The following BAZ2B variants were observed in gnomAD, a reference collection of about 807,000 sequenced individuals.
The protein encoded by BAZ2B is bromodomain adjacent to zinc finger domain 2B, also known as bromodomain adjacent to zinc finger domain protein 2B.
BAZ2B carries 91 observed loss-of-function variants against 246.0 expected under a neutral mutation model. That is an observed-to-expected ratio of 0.37 (90% CI 0.31 to 0.44). BAZ2B has a LOEUF of 0.44. Among genes scored for constraint, BAZ2B ranks in the 20% least tolerant of loss-of-function variants. The probability of loss-of-function intolerance (pLI) is 1.00; values close to 1 mark genes in which losing one functional copy is unlikely to be tolerated. For missense variants in BAZ2B, 2,332 were observed against 2,533.7 expected (o/e 0.92, Z 1.71); for synonymous variants, 855 against 860.0 (o/e 0.99, Z 0.10).
At chr2:159,556,523 C>G (rs899217074) in intron 1 of BAZ2B, among the ~76,000 whole-genome samples, 2 of 139,292 alleles carry the variant, frequency 1.4e-5, no homozygotes, top group Admixed American at 6.8e-5. Flanking sequence ...TGCAGTGGCG[C>G]GATCGTGGCT....
chr2:159,562,311 A>G (rs2089954051), intron 1 of BAZ2B, among the ~76,000 whole-genome samples: 1 of 152,226 alleles, frequency 6.6e-6, no homozygotes, highest in Non-Finnish European at 1.5e-5. Context: ...TGACAACTTC[A>G]TTGTTTTGCT....
intron 1 of BAZ2B, among the ~76,000 whole-genome samples, chr2:159,556,417 C>T (rs1290189715): frequency 3.0e-4 from 42 of 139,838 alleles, no homozygotes; most frequent in Admixed American, 2.9e-3. Context: ...ATTTCCTAAA[C>T]TGTAAATGGC....
At chr2:159,554,750 C>T (rs1336031066) in intron 2 of BAZ2B, among the ~76,000 whole-genome samples, 2 of 151,860 alleles carry the variant, frequency 1.3e-5, no homozygotes, top group African/African-American at 4.8e-5. Context: ...ATTTATTTAT[C>T]TGTTATTTAA....
the BAZ2B span, among the ~76,000 whole-genome samples, chr2:159,692,497 C>A: frequency 6.6e-6 from 1 of 151,996 alleles, no homozygotes; most frequent in Non-Finnish European, 1.5e-5. Flanking sequence ...TGTGGTTCAT[C>A]TGCAAGTTTT....
chr2:159,547,233 T>C (rs531749647), intron 2 of BAZ2B, among the ~76,000 whole-genome samples: 80 of 152,294 alleles, frequency 5.3e-4, no homozygotes, highest in South Asian at 1.4e-3. Context: ...TACATTCTGA[T>C]GCAAATGTAG....
chr2:159,423,416 T>C (rs2069153776), intron 13 of BAZ2B, among the ~76,000 whole-genome samples: 1 of 152,152 alleles, frequency 6.6e-6, no homozygotes, highest in Admixed American at 6.5e-5. Flanking sequence ...ACACTGCTAG[T>C]AGGAATGTCA....
intron 25 of BAZ2B, among the ~76,000 whole-genome samples, chr2:159,378,324 T>G (rs565897777): frequency 6.6e-6 from 1 of 152,360 alleles, no homozygotes; most frequent in South Asian, 2.1e-4. Flanking sequence ...AAATAAATTA[T>G]TTCTGCAAGG....
chr2:159,670,610 T>G, the BAZ2B span: 13 of 152,208 alleles, frequency 8.5e-5, no homozygotes, highest in African/African-American at 2.9e-4. Flanking sequence ...CATTGAAAAC[T>G]CCAAAACTCC....
chr2:159,708,811 C>T, the BAZ2B span, among the ~76,000 whole-genome samples: 1 of 152,164 alleles, frequency 6.6e-6, no homozygotes, highest in East Asian at 1.9e-4. Context: ...ATCCTCCTGA[C>T]TCAGCCTCTC....
chr2:159,347,707 T>G (rs1289520694), intron 30 of BAZ2B, 61 bp from the exon 31 acceptor site: 3 of 1,375,686 alleles, frequency 2.2e-6, no homozygotes, highest in Non-Finnish European at 3.0e-6. Context: ...CACAGAGACC[T>G]CTTCCAGAAA....
At chr2:159,316,717 A>AG (rs2062169829), downstream of BAZ2B, among the ~76,000 whole-genome samples, 1 of 142,180 alleles carries the variant, frequency 7.0e-6, no homozygotes, top group South Asian at 2.3e-4. Flanking sequence ...AAAAAAAAAA[A>AG]GAAAGAAAAG....
chr2:159,533,002 CA>C (rs1199985524), intron 2 of BAZ2B, among the ~76,000 whole-genome samples: 1 of 151,958 alleles, frequency 6.6e-6, no homozygotes, highest in Non-Finnish European at 1.5e-5. Context: ...TTGTTATCCA[CA>C]AAAAGTAAGA....
At chr2:159,553,520 A>G (rs1326435929) in intron 2 of BAZ2B, among the ~76,000 whole-genome samples, 1 of 151,974 alleles carries the variant, frequency 6.6e-6, no homozygotes, top group Non-Finnish European at 1.5e-5. Flanking sequence ...ATGAGAAGCC[A>G]CCACACATTT....
At chr2:159,490,910 A>G (rs930089217) in intron 2 of BAZ2B, among the ~76,000 whole-genome samples, 1 of 152,136 alleles carries the variant, frequency 6.6e-6, no homozygotes, top group Non-Finnish European at 1.5e-5. Flanking sequence ...CGTAGGCAAG[A>G]TTGACAACAA....
chr2:159,685,796 TAATA>T, the BAZ2B span, among the ~76,000 whole-genome samples: 1 of 152,114 alleles, frequency 6.6e-6, no homozygotes, highest in Non-Finnish European at 1.5e-5. Flanking sequence ...ACATGATAAA[TAATA>T]AATAAGAGTG....
chr2:159,630,781 G>T, the BAZ2B span, among the ~76,000 whole-genome samples: 4 of 152,078 alleles, frequency 2.6e-5, no homozygotes, highest in East Asian at 3.8e-4. Flanking sequence ...TGATCCGCCC[G>T]CCTCGGCCTC....
intron 1 of BAZ2B, among the ~76,000 whole-genome samples, chr2:159,591,451 A>G (rs1034474585): frequency 3.3e-5 from 5 of 152,200 alleles, no homozygotes; most frequent in Admixed American, 6.5e-5. Flanking sequence ...AAGGTAGGAT[A>G]AGGAAAACAG....
At chr2:159,606,284 C>T (rs1693472654) in intron 1 of BAZ2B, among the ~76,000 whole-genome samples, 1 of 147,306 alleles carries the variant, frequency 6.8e-6, no homozygotes, top group South Asian at 2.1e-4. Flanking sequence ...AAAGTAACCC[C>T]TCTTTTAAAA....
At chr2:159,370,876 A>G (rs1188268419) in intron 27 of BAZ2B, among the ~76,000 whole-genome samples, 1 of 151,518 alleles carries the variant, frequency 6.6e-6, no homozygotes, top group Non-Finnish European at 1.5e-5. Flanking sequence ...ATCTCGGCTC[A>G]CTGCAACCTC....
Sources: gnomAD v4.1 joint callset for allele counts (sites outside exome capture counted in the v4.1 genomes callset) on GRCh38, gnomAD v4.1.1 for gene constraint, MANE v1.5 for transcripts, NCBI Gene and HGNC (gene_info 2026-07-23, HGNC 2026-07-21) for gene names.